Variants in SEL1L observed in about 807,000 individuals in gnomAD.
The protein encoded by SEL1L is SEL1L adaptor subunit of SYVN1 ubiquitin ligase, also known as protein sel-1 homolog 1.
Under a neutral mutation model 109.8 loss-of-function variants are expected in SEL1L, and 52 were observed. The observed-to-expected ratio is 0.47, with a 90% CI of 0.38 to 0.60. The LOEUF is 0.60. Ranked by LOEUF, SEL1L falls within the 20% of genes least tolerant of loss-of-function variation. The pLI is 0.00. For synonymous variants in SEL1L, 373 were observed against 339.6 expected, an observed-to-expected ratio of 1.10 and a Z score of -1.08; for missense variants, 749 against 962.2, an observed-to-expected ratio of 0.78 and a Z score of 2.93.
intron 3 of SEL1L, among the ~76,000 whole-genome samples, chr14:81,514,782 G>C (rs1884632211): frequency 6.6e-6 from 1 of 152,078 alleles, no homozygotes; most frequent in African/African-American, 2.4e-5. Context: ...AAGCCATTGG[G>C]ACCAATTTGA....
At chr14:81,502,570 A>G in intron 6 of SEL1L, 151 bp downstream of exon 6, 2 of 738,988 alleles carry the variant, frequency 2.7e-6, no homozygotes, top group East Asian at 5.1e-5. Context: ...GAAAAAGACT[A>G]TCCAAGAAGA....
chr14:81,526,415 C>A (rs192164578), intron 3 of SEL1L, among the ~76,000 whole-genome samples: 78 of 152,202 alleles, frequency 5.1e-4, no homozygotes, highest in African/African-American at 1.8e-3. Flanking sequence ...TTGTATGCTA[C>A]CCTGACATAT....
At chr14:81,494,289 C>T (rs1426324631) in intron 11 of SEL1L, among the ~76,000 whole-genome samples, 1 of 152,212 alleles carries the variant, frequency 6.6e-6, no homozygotes, top group Non-Finnish European at 1.5e-5. Context: ...CCACCAAATA[C>T]ATCTTGAATC....
rs553883030 is a variant in SEL1L at position 81,504,931 on chromosome 14, A to C, written c.509-625T>G. ...TTTCCTGAGGCCTCCCAAGAAGCCA[A>C]GCAGATGCCAGCATCATGCTTCCTG... On this transcript the variant is annotated intron_variant, in intron 4 of 20. Coordinates refer to ENST00000336735, the MANE Select transcript of SEL1L (RefSeq NM_005065.6). Among the ~76,000 whole-genome samples the C allele has an allele frequency of 2.2e-4, 33 of 152,280 alleles. 1 individual carries two copies. The East Asian group carries it at 6.2e-3, about 29-fold the overall frequency.
chr14:81,525,706 G>A (rs574877286), intron 3 of SEL1L, among the ~76,000 whole-genome samples: 4 of 152,140 alleles, frequency 2.6e-5, no homozygotes, highest in East Asian at 1.9e-4. Context: ...AAACATAAAC[G>A]TTTTGGTTTA....
intron 3 of SEL1L, among the ~76,000 whole-genome samples, chr14:81,510,860 T>C (rs1013435555): frequency 5.3e-5 from 8 of 152,136 alleles, no homozygotes; most frequent in Non-Finnish European, 1.0e-4. Context: ...TGTCATAGTG[T>C]TCATCAATTT....
Position 81,499,348 on chromosome 14 carries a change from G to T in SEL1L, c.891+111C>A, listed in dbSNP as rs1299365908. Reference sequence around the variant, plus strand: ...TTGAAGGAAGTTCAACTGAATATTTGGTCTTAATACAAGCAAATCTGGATC... The same window carrying T: ...TTGAAGGAAGTTCAACTGAATATTTTGTCTTAATACAAGCAAATCTGGATC... On this transcript the variant is annotated intron_variant, in intron 8 of 20. Coordinates refer to ENST00000336735, the MANE Select transcript of SEL1L (RefSeq NM_005065.6). 4 of 1,475,346 alleles carry T rather than the reference G, an allele frequency of 2.7e-6. No homozygotes were observed. The African/African-American group carries it at 4.3e-5, about 16-fold the overall frequency. The allele number at this position is 1,475,346 out of a possible 1,614,324, so 91.4% of individuals were successfully genotyped here.
chr14:81,479,723 T>A lies in SEL1L; in HGVS notation c.2064A>T (p.Lys688Asn). 6.2e-7 allele frequency: 1 copy of A among 1,613,336 alleles called. No homozygotes were observed. Among genetic ancestry groups the A allele is most frequent in the Non-Finnish European group, 8.5e-7 (1 of 1,179,760 alleles). The change falls in exon 20 of 21, where the codon AAA (lysine) becomes AAT (asparagine). Residue 688 changes from lysine (K) to asparagine (N), a missense_variant. This residue lies in a region of SEL1L where 383 missense variants were observed against 562.5 expected (regional missense o/e 0.68). Coordinates refer to ENST00000336735, the MANE Select transcript of SEL1L (RefSeq NM_005065.6). ...CTTCAGCTGCCATGTCATAAAAACG[T>A]TTCGCAAGGTGAATATCCTATAATA... ...LGIKQDIHLA[K>N]RFYDMAAEAS...
chr14:81,526,423 T>C (rs2140060527), intron 3 of SEL1L, among the ~76,000 whole-genome samples: 1 of 152,288 alleles, frequency 6.6e-6, no homozygotes, highest in Admixed American at 6.5e-5. Flanking sequence ...TACCCTGACA[T>C]ATTATTTTTT....
intron 2 of SEL1L, 102 bp from the exon 3 acceptor site, chr14:81,527,066 T>A: frequency 1.2e-6 from 1 of 813,576 alleles, no homozygotes; most frequent in Non-Finnish European, 2.0e-6. Context: ...CTCCTTCAGC[T>A]CCTTGAAGTG....
intron 12 of SEL1L, among the ~76,000 whole-genome samples, chr14:81,491,075 A>C (rs1429263657): frequency 1.3e-5 from 2 of 152,342 alleles, no homozygotes; most frequent in South Asian, 2.1e-4. Context: ...GCCCAACATG[A>C]ATCATTTTTC....
At chr14:81,518,053 A>T (rs1195746436) in intron 3 of SEL1L, among the ~76,000 whole-genome samples, 1 of 151,876 alleles carries the variant, frequency 6.6e-6, no homozygotes, top group Admixed American at 6.6e-5. Context: ...CACCATACCT[A>T]GCTAATTTTT....
intron 19 of SEL1L, among the ~76,000 whole-genome samples, chr14:81,480,481 T>C (rs1490298166): frequency 6.6e-6 from 1 of 152,134 alleles, no homozygotes; most frequent in Admixed American, 6.5e-5. Context: ...CCCAACACTT[T>C]GGGAGAGCGA....
chr14:81,480,964 C>A (rs1039824689), intron 19 of SEL1L, among the ~76,000 whole-genome samples: 2 of 152,076 alleles, frequency 1.3e-5, no homozygotes, highest in South Asian at 2.1e-4. Flanking sequence ...CGGAAGAGAT[C>A]TACCCCACTC....
At chr14:81,500,011 T>C (rs1384520689) in intron 6 of SEL1L, among the ~76,000 whole-genome samples, 2 of 150,730 alleles carry the variant, frequency 1.3e-5, no homozygotes, top group Admixed American at 1.3e-4. Context: ...GTTCAAGTGG[T>C]TCTCCCACCT....
rs925197291 is a variant in SEL1L, at chr14:81,472,016, T to C, written c.*4956A>G. 1.3e-5 allele frequency: 2 copies of C among 152,206 alleles called. No individual in the cohort carries two copies. The highest frequency in any genetic ancestry group is 3.8e-4 in the East Asian group (2 of 5,198). 9.4% of individuals were successfully genotyped at this position (152,206 alleles called of 1,614,324 possible). A position where few individuals can be genotyped will look rare whatever the true frequency, so the allele number is the denominator to read the frequency against. ...TTTTTACTTGCATCTAATTTGTGTA[T>C]CTGCTGTAACTTAATCTAAGCATAC... is the stretch of plus-strand genomic sequence containing the variant. On this transcript the variant is annotated 3_prime_UTR_variant, in exon 21 of 21. Coordinates refer to ENST00000336735, the MANE Select transcript of SEL1L (RefSeq NM_005065.6).
intron 14 of SEL1L, 151 bp downstream of exon 14, chr14:81,489,101 T>TAGTGAGACAA (rs1421440289): frequency 5.7e-6 from 4 of 706,002 alleles, no homozygotes; most frequent in Non-Finnish European, 1.0e-5. Context: ...TATGGGGTGG[T>TAGTGAGACAA]AGTGAGACAA....
At chr14:81,506,006 A>C in intron 4 of SEL1L, 68 bp downstream of exon 4, 3 of 1,439,904 alleles carry the variant, frequency 2.1e-6, no homozygotes, top group Non-Finnish European at 2.8e-6. Flanking sequence ...ATGGCTAGAA[A>C]AAGGCCTTAA....
chr14:81,515,706 T>C (rs183757306), intron 3 of SEL1L, among the ~76,000 whole-genome samples: 8 of 152,194 alleles, frequency 5.3e-5, no homozygotes, highest in Non-Finnish European at 1.0e-4. Flanking sequence ...CATATTCCCC[T>C]GTCACCTGAC....
Sources: allele counts gnomAD v4.1 joint callset (sites outside exome capture counted in the v4.1 genomes callset), GRCh38; gene constraint gnomAD v4.1.1; regional missense constraint gnomAD v4.1.1; transcripts MANE v1.5; gene names NCBI Gene and HGNC (gene_info 2026-07-23, HGNC 2026-07-21).